BMP15: variants seen among roughly 807,000 people sequenced by gnomAD.
BMP15 encodes the protein bone morphogenetic protein 15.
A neutral mutation model predicts 4.4 loss-of-function variants in BMP15; 5 were observed. The ratio of observed to expected loss-of-function variants is 1.13; its 90% CI spans 0.59 to 2.38. The LOEUF (loss-of-function observed/expected upper bound fraction) is 2.38. Among genes scored for constraint, BMP15 ranks in the 30% most tolerant of loss-of-function variants. The pLI is 0.01. For synonymous variants in BMP15, 125 were observed against 114.6 expected, an observed-to-expected ratio of 1.09 and a Z score of -0.58; for missense variants, 339 against 309.8, an observed-to-expected ratio of 1.09 and a Z score of -0.71.
chrX:50,911,269 C>A (rs1557279963), intron 1 of BMP15, among the ~76,000 whole-genome samples, 158 bp downstream of exon 1: 1 of 113,038 alleles, frequency 8.8e-6, no homozygotes, highest in Admixed American at 9.3e-5. Flanking sequence ...TTGGAGAAGC[C>A]AGCGCCAAGC....
rs782792393 is a variant in BMP15 at position 50,910,931 on chromosome X, G to C, written c.148G>C (p.Glu50Gln). ...PTLPLIEELLEESPGEQPRKP... is the reference protein window; with the variant it reads ...PTLPLIEELLQESPGEQPRKP... Reference sequence around the variant, plus strand: ...TTTGCCCCTGATTGAGGAGCTGCTAGAAGAATCCCCTGGCGAACAGCCAAG... The same window carrying C: ...TTTGCCCCTGATTGAGGAGCTGCTACAAGAATCCCCTGGCGAACAGCCAAG... The change falls in exon 1 of 2, where the codon GAA becomes CAA. Residue 50 changes from glutamate to glutamine, a missense_variant. By Grantham distance (29) the Glu-to-Gln change is conservative. Coordinates refer to ENST00000252677, the MANE Select transcript of BMP15 (RefSeq NM_005448.2). The C allele has an allele frequency of 1.7e-6, 2 of 1,195,895 alleles. No individual in the cohort carries two copies. The highest frequency in any genetic ancestry group is 1.7e-5 in the African/African-American group (1 of 57,173).
At chrX:50,913,735 A>G (rs1168883354) in intron 1 of BMP15, among the ~76,000 whole-genome samples, 1 of 110,847 alleles carries the variant, frequency 9.0e-6, no homozygotes, top group African/African-American at 3.3e-5. Flanking sequence ...TGTGATGTCA[A>G]GGTCTCAAAG....
rs782542588 is a variant in BMP15, at chrX:50,916,044, C to A, written c.616C>A (p.Arg206Ser). 8.3e-7 allele frequency: 1 copy of A among 1,211,926 alleles called. No individual in the cohort carries two copies. The highest frequency in any genetic ancestry group is 1.1e-6 in the Non-Finnish European group (1 of 895,532). Residue 206 changes from arginine (R) to serine (S), a missense_variant, in exon 2 of 2, where the codon CGT becomes AGT. Physicochemically the swap from Arg to Ser is moderately radical, Grantham distance 110. Transcript: ENST00000252677. ...CAAGGGACACAGGATCCTACGACTC[C>A]GTTTTATGTGTCAGCAGCAAAAAGA... ...NNKGHRILRL[R>S]FMCQQQKDSG...
Position 50,911,123 on chromosome X carries a change from T to A in BMP15, c.328+12T>A, listed in dbSNP as rs41306878. ...AAGGCCTCACAGAGGTGAGTTGTTA[T>A]GCCCCCATACTGCCCTGGAAGGGAG... is the stretch of plus-strand genomic sequence containing the variant. On this transcript the variant is annotated intron_variant, in intron 1 of 1. Transcript: ENST00000252677. 1.7e-6 allele frequency: 2 copies of A among 1,169,018 alleles called. No individual in the cohort carries two copies. Among genetic ancestry groups the A allele is most frequent in the Non-Finnish European group, 2.3e-6 (2 of 873,051 alleles).
At chrX:50,912,297 C>G (rs1040705714) in intron 1 of BMP15, among the ~76,000 whole-genome samples, 2 of 111,670 alleles carry the variant, frequency 1.8e-5, no homozygotes, top group African/African-American at 6.5e-5. Context: ...AGGCCCAAAG[C>G]CTGTGTGTTA....
At chrX:50,912,747 T>C (rs186086465) in intron 1 of BMP15, among the ~76,000 whole-genome samples, 2 of 112,164 alleles carry the variant, frequency 1.8e-5, no homozygotes, top group Non-Finnish European at 3.8e-5. Context: ...GTAAAACCCC[T>C]ACTTTCATGG....
chrX:50,913,168 C>T (rs1227332858), intron 1 of BMP15, among the ~76,000 whole-genome samples: 10 of 110,980 alleles, frequency 9.0e-5, no homozygotes, highest in Non-Finnish European at 1.3e-4. Flanking sequence ...CAGAAAGTTG[C>T]AAAAAATCAA....
chrX:50,911,257 C>T (rs782791223), intron 1 of BMP15, 146 bp downstream of exon 1: 4 of 718,629 alleles, frequency 5.6e-6, no homozygotes, highest in Non-Finnish European at 6.3e-6. Flanking sequence ...GGATGGCAAG[C>T]TTTGGAGAAG....
intron 1 of BMP15, among the ~76,000 whole-genome samples, chrX:50,914,382 C>T (rs1415110769): frequency 3.6e-5 from 4 of 112,276 alleles, no homozygotes; most frequent in Non-Finnish European, 5.6e-5. Flanking sequence ...CCCAGGAGTT[C>T]GAGACCAGCC....
chrX:50,911,133 C>T, intron 1 of BMP15, 22 bp downstream of exon 1: 1 of 1,162,384 alleles, frequency 8.6e-7, no homozygotes, highest in Non-Finnish European at 1.2e-6. Flanking sequence ...TGCCCCCATA[C>T]TGCCCTGGAA....
intron 1 of BMP15, among the ~76,000 whole-genome samples, chrX:50,914,138 T>G (rs971511928): frequency 9.0e-6 from 1 of 111,443 alleles, no homozygotes; most frequent in Non-Finnish European, 1.9e-5. Context: ...GCCCGGCTAA[T>G]TTTTTGTATT....
intron 1 of BMP15, among the ~76,000 whole-genome samples, chrX:50,914,705 T>C (rs1253786674): frequency 4.5e-5 from 5 of 111,945 alleles, no homozygotes; most frequent in African/African-American, 1.6e-4. Flanking sequence ...TAAATACAAA[T>C]TAACATGGAA....
In BMP15 at chrX:50,916,055, T is replaced by C. The variant is rs370042114; in HGVS notation, c.627T>C (p.Cys209=). 3.3e-6 allele frequency: 4 copies of C among 1,212,068 alleles called. No homozygotes were observed. In the South Asian group the frequency reaches 5.3e-5, roughly 16 times the overall value. ...GGATCCTACGACTCCGTTTTATGTG[T>C]CAGCAGCAAAAAGATAGTGGTGGTC... is the stretch of plus-strand genomic sequence containing the variant. The part of the protein sequence containing the change: ...GHRILRLRFM[C]QQQKDSGGLE... Residue 209 remains cysteine, a synonymous_variant, in exon 2 of 2, where the codon TGT becomes TGC. Transcript: ENST00000252677.
intron 1 of BMP15, among the ~76,000 whole-genome samples, chrX:50,914,002 C>T (rs1016839176): frequency 5.4e-5 from 6 of 111,886 alleles, no homozygotes; most frequent in Non-Finnish European, 1.1e-4. Context: ...TGGAGTTTCG[C>T]TCTTATCATC....
rs782325962 is a variant in BMP15, at chrX:50,910,991, A to C, written c.208A>C (p.Met70Leu). Residue 70 changes from methionine (M) to leucine (L), a missense_variant, in exon 1 of 2, where the codon ATG (methionine) becomes CTG (leucine). Coordinates refer to ENST00000252677, the MANE Select transcript of BMP15 (RefSeq NM_005448.2). Reference protein sequence around the residue: ...PRLLGHSLRYMLELYRRSADS... With the variant: ...PRLLGHSLRYLLELYRRSADS... ...GCTCCTAGGGCATTCACTGCGGTAC[A>C]TGCTGGAGTTGTACCGGCGTTCAGC... 1.7e-6 allele frequency: 2 copies of C among 1,193,061 alleles called. No homozygotes were observed. The highest frequency in any genetic ancestry group is 6.1e-5 in the East Asian group (2 of 32,743).
In BMP15 at chrX:50,910,929, TAGAAGAATCCCCTGGCGAAC is replaced by T; in HGVS notation, c.149_168del (p.Glu50AlafsTer23). 1 of 1,197,429 alleles carries T rather than the reference TAGAAGAATCCCCTGGCGAAC, an allele frequency of 8.4e-7. No homozygotes were observed. The highest frequency in any genetic ancestry group is 1.1e-6 in the Non-Finnish European group (1 of 887,792). The stretch of plus-strand genomic sequence containing the variant: ...ACTTTGCCCCTGATTGAGGAGCTGC[TAGAAGAATCCCCTGGCGAAC>T]AGCCAAGGAAGCCCCGGCTCCTAGG... On this transcript the variant is annotated frameshift_variant, in exon 1 of 2. Coordinates refer to ENST00000252677, the MANE Select transcript of BMP15 (RefSeq NM_005448.2). LOFTEE classifies it high-confidence loss of function.
intron 1 of BMP15, among the ~76,000 whole-genome samples, chrX:50,914,748 G>T (rs1923091477): frequency 8.9e-6 from 1 of 111,820 alleles, no homozygotes; most frequent in Non-Finnish European, 1.9e-5. Context: ...AAGATGAGAG[G>T]TGGCTTTTTC....
In BMP15 at chrX:50,916,144, C is replaced by T. The variant is rs1557280322; in HGVS notation, c.716C>T (p.Thr239Ile). 2.5e-5 allele frequency: 30 copies of T among 1,211,502 alleles called. No homozygotes were observed. The highest frequency in any genetic ancestry group is 3.4e-5 in the Non-Finnish European group (30 of 895,501). ...TTCTTGTTACTCTATTTCAATGATA[C>T]TCATAAAAGCATTCGGAAGGCTAAA... The part of the protein sequence containing the change: ...IAFLLLYFND[T>I]HKSIRKAKFL... The change falls in exon 2 of 2, where the codon ACT becomes ATT. Residue 239 changes from threonine to isoleucine, a missense_variant. Transcript: ENST00000252677.
chrX:50,912,064 C>T (rs1330277840), intron 1 of BMP15, among the ~76,000 whole-genome samples: 2 of 111,438 alleles, frequency 1.8e-5, no homozygotes, highest in Non-Finnish European at 3.8e-5. Context: ...ATCCCCTCCC[C>T]AAGCAAAACA....
Sources: gnomAD v4.1 joint callset for allele counts (sites outside exome capture counted in the v4.1 genomes callset) on GRCh38, gnomAD v4.1.1 for gene constraint, MANE v1.5 for transcripts, NCBI Gene and HGNC (gene_info 2026-07-23, HGNC 2026-07-21) for gene names.